Variants in PSG6 observed in about 807,000 individuals in gnomAD.
PSG6 encodes the protein pregnancy specific beta-1-glycoprotein 6.
In PSG6, 51 loss-of-function variants were observed where a neutral mutation model predicts 43.3. The observed-to-expected ratio is 1.18, with a 90% CI of 0.94 to 1.49. PSG6 has a LOEUF of 1.49. Ranked by LOEUF, PSG6 falls within the 40% of genes most tolerant of loss-of-function variation. The probability of loss-of-function intolerance (pLI) is 0.00; values close to 1 mark genes in which losing one functional copy is unlikely to be tolerated. For synonymous variants in PSG6, 292 were observed against 197.6 expected (o/e 1.48, Z -4.01); for missense variants, 770 against 522.2 (o/e 1.47, Z -4.62).
intron 2 of PSG6, among the ~76,000 whole-genome samples, chr19:42,912,206 G>C (rs1258647823): frequency 1.3e-5 from 2 of 151,520 alleles, no homozygotes; most frequent in Non-Finnish European, 1.5e-5. Context: ...TCAGATTGTG[G>C]ATTTCTGGAT....
intron 2 of PSG6, among the ~76,000 whole-genome samples, chr19:42,913,889 C>G (rs887216803): frequency 4.0e-5 from 6 of 151,528 alleles, no homozygotes; most frequent in Admixed American, 1.3e-4. Flanking sequence ...TAGTCCTGTG[C>G]CCCTGAAACT....
intron 5 of PSG6, among the ~76,000 whole-genome samples, chr19:42,906,434 C>G (rs1427829659): frequency 1.3e-5 from 2 of 151,500 alleles, no homozygotes; most frequent in African/African-American, 4.9e-5. Context: ...ACCAGAGGAG[C>G]CCGGAGCAGA....
chr19:42,906,333 G>C (rs563490095), intron 5 of PSG6, among the ~76,000 whole-genome samples: 4 of 151,512 alleles, frequency 2.6e-5, no homozygotes, highest in African/African-American at 4.8e-5. Context: ...CTGGCAGCTC[G>C]ATTTAGCCAA....
intron 2 of PSG6, among the ~76,000 whole-genome samples, chr19:42,913,093 G>T (rs1972258891): frequency 6.6e-6 from 1 of 151,560 alleles, no homozygotes. Context: ...TCTCAAGCTA[G>T]GGATTCTTTC....
intron 5 of PSG6, among the ~76,000 whole-genome samples, chr19:42,904,202 CA>C (rs1323933216): frequency 1.3e-5 from 2 of 151,620 alleles, no homozygotes; most frequent in Non-Finnish European, 2.9e-5. Flanking sequence ...TCTTACATAA[CA>C]GAGAAAGACT....
At chr19:42,906,021 C>A (rs1315761428) in intron 5 of PSG6, among the ~76,000 whole-genome samples, 3 of 151,500 alleles carry the variant, frequency 2.0e-5, no homozygotes, top group Non-Finnish European at 1.5e-5. Flanking sequence ...CACTAAATTG[C>A]ACACTTAGTT....
rs769225607 is a variant in PSG6 at position 42,907,800 on chromosome 19, T to G, written c.761A>C (p.Lys254Thr). ...TTCACAGGTGAAGGCTAACACATCCTTCTTCTCCCTGGGGTTTAAGTTGTT... is the reference window on the plus strand; with the variant it reads ...TTCACAGGTGAAGGCTAACACATCCGTCTTCTCCCTGGGGTTTAAGTTGTT... The part of the protein sequence containing the change: ...TINNLNPREK[K>T]DVLAFTCEPK... Residue 254 changes from lysine to threonine, a missense_variant, in exon 4 of 6, where the codon AAG (lysine) becomes ACG (threonine). Physicochemically the swap from Lys to Thr is moderately conservative, Grantham distance 78. Coordinates refer to ENST00000187910, the MANE Select transcript of PSG6 (RefSeq NM_001031850.4). The G allele has an allele frequency of 2.5e-6, 4 of 1,611,410 alleles. No homozygotes were observed. The highest frequency in any genetic ancestry group is 3.4e-6 in the Non-Finnish European group (4 of 1,179,080).
At chr19:42,904,165 C>T (rs1170585092) in intron 5 of PSG6, among the ~76,000 whole-genome samples, 2 of 151,446 alleles carry the variant, frequency 1.3e-5, no homozygotes, top group South Asian at 2.1e-4. Flanking sequence ...AACATAAAGG[C>T]AATATGTGAA....
chr19:42,904,183 A>G lies in PSG6; in HGVS notation c.1241-1737T>C, dbSNP rs774236154. 1.3e-5 allele frequency among the ~76,000 whole-genome samples: 2 copies of G among 151,656 alleles called. 1 individual carries two copies. Among genetic ancestry groups the G allele is most frequent in the Admixed American group, 1.3e-4 (2 of 15,188 alleles). On this transcript the variant is annotated intron_variant, in intron 5 of 5. Coordinates refer to ENST00000187910, the MANE Select transcript of PSG6 (RefSeq NM_001031850.4). Reference sequence around the variant, plus strand: ...ATAAAGGCAATATGTGAAAAACCCAATGCTAACATCTTACATAACAGAGAA... The same window carrying G: ...ATAAAGGCAATATGTGAAAAACCCAGTGCTAACATCTTACATAACAGAGAA...
Position 42,902,254 on chromosome 19 carries a change from A to G in PSG6, c.*158T>C, listed in dbSNP as rs1257073619. 1 of 993,870 alleles carries G rather than the reference A, an allele frequency of 1.0e-6. No homozygotes were observed. The highest frequency in any genetic ancestry group is 1.4e-6 in the Non-Finnish European group (1 of 689,722). The allele number at this position is 993,870 out of a possible 1,614,324, so 61.6% of individuals were successfully genotyped here. ...AAAAGTTCATAAATCTGGAGAATAA[A>G]ACATTCCAAGAATCAGCACATTTTC... is the stretch of plus-strand genomic sequence containing the variant. On this transcript the variant is annotated 3_prime_UTR_variant, in exon 6 of 6. Coordinates refer to ENST00000187910, the MANE Select transcript of PSG6 (RefSeq NM_001031850.4).
At position 42,904,319 on chromosome 19, in the gene PSG6, T is replaced by A. The variant is rs1417399524; in HGVS notation, c.1241-1873A>T. Among the ~76,000 whole-genome samples the A allele has an allele frequency of 4.0e-5, 6 of 151,608 alleles. 1 individual carries two copies. Among genetic ancestry groups the A allele is most frequent in the Admixed American group, 2.0e-4 (3 of 15,178 alleles). On this transcript the variant is annotated intron_variant, in intron 5 of 5. Coordinates refer to ENST00000187910, the MANE Select transcript of PSG6 (RefSeq NM_001031850.4). ...AATCAGAAAAATTAGGGAAGAATTT[T>A]TAAAAAGACATTCAAATTGGAAGGA...
chr19:42,916,034 A>T (rs1270536359), intron 2 of PSG6, 91 bp downstream of exon 2: 8 of 1,581,146 alleles, frequency 5.1e-6, no homozygotes. Context: ...AGAGAGTGAC[A>T]CAGGCAGAGT....
chr19:42,912,477 G>T (rs969179762), intron 2 of PSG6, among the ~76,000 whole-genome samples: 1 of 151,712 alleles, frequency 6.6e-6, no homozygotes, highest in East Asian at 1.9e-4. Context: ...GATGCCAAAG[G>T]TGATTTGAAA....
rs778741867 is a variant in PSG6 at position 42,916,180 on chromosome 19, T to C, written c.372A>G (p.Ile124Met). 1.9e-6 allele frequency: 3 copies of C among 1,612,182 alleles called. No homozygotes were observed. The highest frequency in any genetic ancestry group is 1.7e-5 in the Admixed American group (1 of 59,902). The change falls in exon 2 of 6, where the codon ATA becomes ATG. Residue 124 changes from isoleucine to methionine, a missense_variant. Ile to Met is a conservative substitution (Grantham distance 10, BLOSUM62 1). Coordinates refer to ENST00000187910, the MANE Select transcript of PSG6 (RefSeq NM_001031850.4). ...CTCCTCCAGTCCCATCGCCTCGCTT[T>C]ATGATGTGTAAGGTGTAGGATCCTG... Reference protein sequence around the residue: ...EDAGSYTLHIIKRGDGTGGVT... With the variant: ...EDAGSYTLHIMKRGDGTGGVT...
At chr19:42,910,898 C>A in intron 2 of PSG6, 40 bp from the exon 3 acceptor site, 2 of 1,563,742 alleles carry the variant, frequency 1.3e-6, no homozygotes, top group Non-Finnish European at 1.7e-6. Flanking sequence ...TGTGTGGCAC[C>A]TTTGATTCCT....
At chr19:42,908,052 G>T (rs373804290) in intron 3 of PSG6, 198 bp from the exon 4 acceptor site, 3 of 923,006 alleles carry the variant, frequency 3.3e-6, no homozygotes, top group South Asian at 3.6e-5. Flanking sequence ...TCTTAGGGAA[G>T]CACAGACTTT....
Position 42,916,469 on chromosome 19 carries a change from C to A in PSG6, c.83G>T (p.Trp28Leu). 1 of 1,610,982 alleles carries A rather than the reference C, an allele frequency of 6.2e-7. No individual in the cohort carries two copies. Among genetic ancestry groups the A allele is most frequent in the Non-Finnish European group, 8.5e-7 (1 of 1,178,616 alleles). The part of the protein sequence containing the change: ...LLLTASLLNF[W>L]NLPTTAQVII... Reference sequence around the variant, plus strand: ...TACTTGGGCAGTGGTGGGCAGGTTCCAGAAGTTTAAAAGTGATGCTAGGAG... The same window carrying A: ...TACTTGGGCAGTGGTGGGCAGGTTCAAGAAGTTTAAAAGTGATGCTAGGAG... Residue 28 changes from tryptophan to leucine, a missense_variant, in exon 2 of 6, where the codon TGG becomes TTG. By Grantham distance (61) the Trp-to-Leu change is moderately conservative. Coordinates refer to ENST00000187910, the MANE Select transcript of PSG6 (RefSeq NM_001031850.4).
At position 42,907,809 on chromosome 19, in the gene PSG6, C is replaced by G. The variant is rs200590383; in HGVS notation, c.752G>C (p.Arg251Thr). ...GAAGGCTAACACATCCTTCTTCTCC[C>G]TGGGGTTTAAGTTGTTGATGGTGAT... ...PYITINNLNP[R>T]EKKDVLAFTC... is the part of the protein sequence containing the mutation. The change falls in exon 4 of 6, where the codon AGG (arginine) becomes ACG (threonine). Residue 251 changes from arginine (R) to threonine (T), a missense_variant. Physicochemically the swap from Arg to Thr is moderately conservative, Grantham distance 71 (BLOSUM62 -1). Transcript: ENST00000187910. 5 of 1,611,502 alleles carry G rather than the reference C, an allele frequency of 3.1e-6. No homozygotes were observed. In the Admixed American group the frequency reaches 8.3e-5, roughly 27 times the overall value.
chr19:42,915,670 C>T (rs1208420556), intron 2 of PSG6: 1 of 203,324 alleles, frequency 4.9e-6, no homozygotes, highest in Non-Finnish European at 9.9e-6. Flanking sequence ...AAAGAAGCCA[C>T]AACCCAGTCC....
Sources: gnomAD v4.1 joint callset for allele counts (sites outside exome capture counted in the v4.1 genomes callset) on GRCh38, gnomAD v4.1.1 for gene constraint, MANE v1.5 for transcripts, NCBI Gene and HGNC (gene_info 2026-07-23, HGNC 2026-07-21) for gene names.